The following HS3ST3A1 variants were observed in gnomAD, a reference collection of about 807,000 sequenced individuals.
The protein encoded by HS3ST3A1 is heparan sulfate-glucosamine 3-sulfotransferase 3A1.
HS3ST3A1 carries 19 observed loss-of-function variants against 25.7 expected under a neutral mutation model. That is an observed-to-expected ratio of 0.74 (90% CI 0.52 to 1.08). HS3ST3A1 has a LOEUF of 1.08. Among genes scored for constraint, HS3ST3A1 ranks in the 50% least tolerant of loss-of-function variants. HS3ST3A1 has a pLI of 0.00. For synonymous variants in HS3ST3A1, 226 were observed against 278.6 expected (o/e 0.81, Z 1.88); for missense variants, 459 against 594.3 (o/e 0.77, Z 2.37).
chr17:13,550,582 T>G (rs1907211782), intron 1 of HS3ST3A1, among the ~76,000 whole-genome samples: 1 of 152,080 alleles, frequency 6.6e-6, no homozygotes, highest in Non-Finnish European at 1.5e-5. Context: ...ATTGTCAGTT[T>G]TATGAGTGAA....
intron 1 of HS3ST3A1, among the ~76,000 whole-genome samples, chr17:13,569,441 T>C (rs183992435): frequency 3.5e-4 from 53 of 152,314 alleles, no homozygotes; most frequent in Middle Eastern, 3.4e-3. Flanking sequence ...CACCATATTA[T>C]GTGAACAGAG....
In HS3ST3A1 at chr17:13,505,098, T is replaced by C. The variant is rs150724879; in HGVS notation, c.600-8280A>G. On this transcript the variant is annotated intron_variant, in intron 1 of 1. Coordinates refer to ENST00000284110, the MANE Select transcript of HS3ST3A1 (RefSeq NM_006042.3). ...GGTTCAGAGAGACTGAGCAGTATGC[T>C]GACATGTTCACAATCAGGGTATGGA... Among the ~76,000 whole-genome samples the C allele has an allele frequency of 8.6e-3, 1,310 of 152,326 alleles. 23 individuals are homozygous for C. The highest frequency in any genetic ancestry group is 0.03 in the African/African-American group (1,252 of 41,554).
Position 13,600,972 on chromosome 17 carries a change from ACGGGGC to A in HS3ST3A1, c.152_157del (p.Gly51_Pro52del), listed in dbSNP as rs1908718275. On this transcript the variant is annotated inframe_deletion, in exon 1 of 2. Transcript: ENST00000284110. ...CTCGCCGCCGCCGGACAGCCCCACG[ACGGGGC>A]CGGACAGGGTCTGGCAGCGCTCGGC... The A allele has an allele frequency of 2.6e-6, 4 of 1,555,380 alleles. No individual in the cohort carries two copies. The highest frequency in any genetic ancestry group is 3.5e-6 in the Non-Finnish European group (4 of 1,150,864).
chr17:13,580,441 G>C (rs1167300497), intron 1 of HS3ST3A1, among the ~76,000 whole-genome samples: 1 of 151,956 alleles, frequency 6.6e-6, no homozygotes, highest in East Asian at 1.9e-4. Context: ...TCTAAAATCA[G>C]ATCAGCAAAA....
intron 1 of HS3ST3A1, among the ~76,000 whole-genome samples, chr17:13,549,474 T>C (rs1485094798): frequency 6.6e-6 from 1 of 152,238 alleles, no homozygotes; most frequent in South Asian, 2.1e-4. Flanking sequence ...ATTGCACTGC[T>C]CAGCCTCTGA....
chr17:13,564,816 C>G lies in HS3ST3A1; in HGVS notation c.599+35715G>C, dbSNP rs558123549. On this transcript the variant is annotated intron_variant, in intron 1 of 1. Transcript: ENST00000284110. The stretch of plus-strand genomic sequence containing the variant: ...GCAGCTCACTGCAACTTCCACCTCC[C>G]GAGTTCAAATGATTCTTATGCCTCA... Among the ~76,000 whole-genome samples the G allele has an allele frequency of 3.3e-5, 5 of 151,618 alleles. No homozygotes were observed. The South Asian group carries it at 1.0e-3, about 32-fold the overall frequency.
rs1438361874 is a variant in HS3ST3A1, at chr17:13,496,573, G to A, written c.845C>T (p.Ser282Leu). 6.3e-7 allele frequency: 1 copy of A among 1,592,176 alleles called. No homozygotes were observed. The highest frequency in any genetic ancestry group is 2.3e-5 in the East Asian group (1 of 44,294). The change falls in exon 2 of 2, where the codon TCG becomes TTG. Residue 282 changes from serine to leucine, a missense_variant. By Grantham distance (145) the Ser-to-Leu change is moderately radical (BLOSUM62 -2). Transcript: ENST00000284110. ...GATGCCGATCTGGATGGCGCTCCACGACGTGTCGATGAGGCCCGCTGTCCT... is the reference window on the plus strand; with the variant it reads ...GATGCCGATCTGGATGGCGCTCCACAACGTGTCGATGAGGCCCGCTGTCCT... ...KNRTAGLIDT[S>L]WSAIQIGIYA...
At chr17:13,503,015 C>T (rs1361827329) in intron 1 of HS3ST3A1, among the ~76,000 whole-genome samples, 1 of 151,726 alleles carries the variant, frequency 6.6e-6, no homozygotes, top group Non-Finnish European at 1.5e-5. Flanking sequence ...CACATCCCTA[C>T]TAAAAATACA....
chr17:13,547,314 C>A (rs1907117787), intron 1 of HS3ST3A1, among the ~76,000 whole-genome samples: 2 of 152,104 alleles, frequency 1.3e-5, no homozygotes, highest in African/African-American at 2.4e-5. Flanking sequence ...AATGTGATGA[C>A]TGATGGTTGG....
In HS3ST3A1 at chr17:13,600,520, G is replaced by C; in HGVS notation, c.599+11C>G. On this transcript the variant is annotated intron_variant, in intron 1 of 1. Transcript: ENST00000284110. The stretch of plus-strand genomic sequence containing the variant: ...GATCCTTCAGCCCCAGCCCGGGCCC[G>C]CCCCGCTCACCGGTACCAGGCGAGG... The C allele has an allele frequency of 6.3e-7, 1 of 1,585,558 alleles. No individual in the cohort carries two copies. The highest frequency in any genetic ancestry group is 1.1e-5 in the South Asian group (1 of 88,704).
chr17:13,505,169 T>C (rs1419180595), intron 1 of HS3ST3A1, among the ~76,000 whole-genome samples: 1 of 152,158 alleles, frequency 6.6e-6, no homozygotes, highest in African/African-American at 2.4e-5. Context: ...AGTATTTCTA[T>C]TGCAGCAGAT....
chr17:13,500,434 C>G (rs1905432948), intron 1 of HS3ST3A1, among the ~76,000 whole-genome samples: 1 of 152,126 alleles, frequency 6.6e-6, no homozygotes, highest in Non-Finnish European at 1.5e-5. Flanking sequence ...AGATCTATTA[C>G]AGTATTATAA....
rs531942535 is a variant in HS3ST3A1 at position 13,575,176 on chromosome 17, T to C, written c.599+25355A>G. Among the ~76,000 whole-genome samples the C allele has an allele frequency of 3.7e-4, 56 of 152,314 alleles. No homozygotes were observed. The South Asian group carries it at 0.012, about 32-fold the overall frequency. On this transcript the variant is annotated intron_variant, in intron 1 of 1. Coordinates refer to ENST00000284110, the MANE Select transcript of HS3ST3A1 (RefSeq NM_006042.3). Reference sequence around the variant, plus strand: ...GAAACTCTCTGATAATTATTACCTATACCCTTTGCCTAGCATTATGTGTAC... The same window carrying C: ...GAAACTCTCTGATAATTATTACCTACACCCTTTGCCTAGCATTATGTGTAC...
At chr17:13,516,879 G>T (rs1598411273) in intron 1 of HS3ST3A1, among the ~76,000 whole-genome samples, 1 of 152,048 alleles carries the variant, frequency 6.6e-6, no homozygotes, top group East Asian at 1.9e-4. Context: ...GTAGAGACAG[G>T]GTTTCACCGT....
At chr17:13,537,450 C>T (rs75899493) in intron 1 of HS3ST3A1, among the ~76,000 whole-genome samples, 2,002 of 152,274 alleles carry the variant, frequency 0.013, 46 homozygotes, top group South Asian at 0.068. Context: ...CTCCGGGGGC[C>T]GCCTCCCTCT....
At chr17:13,571,214 T>C (rs540236366) in intron 1 of HS3ST3A1, among the ~76,000 whole-genome samples, 7 of 152,336 alleles carry the variant, frequency 4.6e-5, no homozygotes, top group East Asian at 1.9e-4. Flanking sequence ...TTGTGACACA[T>C]GTAGTTCTAG....
At chr17:13,506,988 G>C (rs1905702138) in intron 1 of HS3ST3A1, among the ~76,000 whole-genome samples, 1 of 150,416 alleles carries the variant, frequency 6.6e-6, no homozygotes, top group Admixed American at 6.6e-5. Flanking sequence ...AGAATCGCTT[G>C]AACCCGGGAG....
chr17:13,588,070 C>G (rs1261472314), intron 1 of HS3ST3A1, among the ~76,000 whole-genome samples: 1 of 152,198 alleles, frequency 6.6e-6, no homozygotes, highest in Non-Finnish European at 1.5e-5. Context: ...TTTGAAGCCT[C>G]TGGCTTAGCC....
At position 13,600,656 on chromosome 17, in the gene HS3ST3A1, G is replaced by A; in HGVS notation, c.474C>T (p.Ile158=). ...GSKQLPQAII[I]GVKKGGTRAL... Reference sequence around the variant, plus strand: ...CCCGCGTGCCGCCCTTCTTCACTCCGATGATGATGGCCTGCGGCAGCTGCT... The same window carrying A: ...CCCGCGTGCCGCCCTTCTTCACTCCAATGATGATGGCCTGCGGCAGCTGCT... Residue 158 remains isoleucine (I), a synonymous_variant, in exon 1 of 2, where the codon ATC becomes ATT. Coordinates refer to ENST00000284110, the MANE Select transcript of HS3ST3A1 (RefSeq NM_006042.3). The A allele has an allele frequency of 3.1e-6, 5 of 1,593,018 alleles. No individual in the cohort carries two copies. The highest frequency in any genetic ancestry group is 1.1e-5 in the South Asian group (1 of 89,410).
Sources: allele counts gnomAD v4.1 joint callset (sites outside exome capture counted in the v4.1 genomes callset), GRCh38; gene constraint gnomAD v4.1.1; transcripts MANE v1.5; gene names NCBI Gene and HGNC (gene_info 2026-07-23, HGNC 2026-07-21).